Variants in TRPM3 observed in about 807,000 individuals in gnomAD.
The protein encoded by TRPM3 is long transient receptor potential channel 3.
In TRPM3, 77 loss-of-function variants were observed where a neutral mutation model predicts 181.2. The observed-to-expected ratio is 0.42, with a 90% CI of 0.35 to 0.51. TRPM3 has a LOEUF of 0.51. Ranked by LOEUF, TRPM3 falls within the 20% of genes least tolerant of loss-of-function variation. The pLI, the probability that TRPM3 is intolerant of heterozygous loss-of-function variation, is 0.01. For missense variants in TRPM3, 1,759 were observed against 2,196.7 expected, an observed-to-expected ratio of 0.80 and a Z score of 3.98; for synonymous variants, 745 against 796.4, an observed-to-expected ratio of 0.94 and a Z score of 1.09.
At chr9:71,342,469 C>T (rs998307381) in intron 1 of TRPM3, among the ~76,000 whole-genome samples, 5 of 151,190 alleles carry the variant, frequency 3.3e-5, no homozygotes, top group African/African-American at 9.7e-5. Context: ...GAGTATTATA[C>T]AGCTATAAAA....
At chr9:70,563,122 C>T (rs560575181) in intron 22 of TRPM3, among the ~76,000 whole-genome samples, 8 of 152,270 alleles carry the variant, frequency 5.3e-5, no homozygotes, top group Admixed American at 2.6e-4. Context: ...TTTTGGCTTC[C>T]GCCATTACCA....
At chr9:71,386,715 G>T (rs977802352) in intron 1 of TRPM3, among the ~76,000 whole-genome samples, 7 of 152,178 alleles carry the variant, frequency 4.6e-5, no homozygotes, top group African/African-American at 1.7e-4. Context: ...TTATTATATA[G>T]TTGGCCTGTA....
chr9:71,293,883 C>T (rs576926212), intron 1 of TRPM3, among the ~76,000 whole-genome samples: 3 of 151,958 alleles, frequency 2.0e-5, no homozygotes, highest in East Asian at 3.9e-4. Flanking sequence ...CTCATGCATA[C>T]GTAGAGACTC....
In TRPM3 at chr9:70,603,412, C is replaced by G; in HGVS notation, c.2726G>C (p.Arg909Pro). The change falls in exon 20 of 26, where the codon CGC becomes CCC. Residue 909 changes from arginine to proline, a missense_variant. Transcript: ENST00000677713. ...FNYIVLVKME[R>P]WPSTQEWIVI... ...GATCCATTCCTGGGTGGACGGCCAG[C>G]GTTCCATCTTCACTAACACGATATA... 1 of 1,614,100 alleles carries G rather than the reference C, an allele frequency of 6.2e-7. No individual in the cohort carries two copies. Among genetic ancestry groups the G allele is most frequent in the Non-Finnish European group, 8.5e-7 (1 of 1,180,000 alleles).
intron 8 of TRPM3, among the ~76,000 whole-genome samples, chr9:70,688,420 C>A (rs1255507907): frequency 3.3e-5 from 5 of 152,048 alleles, no homozygotes; most frequent in Non-Finnish European, 5.9e-5. Context: ...TACATTGTAC[C>A]CAATATTGTA....
intron 7 of TRPM3, among the ~76,000 whole-genome samples, chr9:70,782,698 C>T (rs533309878): frequency 1.3e-5 from 2 of 151,488 alleles, no homozygotes; most frequent in African/African-American, 4.8e-5. Context: ...TAAAATGGAC[C>T]AATATTTACT....
chr9:71,004,553 A>G (rs929700723), intron 1 of TRPM3, among the ~76,000 whole-genome samples: 3 of 152,254 alleles, frequency 2.0e-5, no homozygotes, highest in Non-Finnish European at 4.4e-5. Flanking sequence ...GCAGGCATCA[A>G]TGTAAAGATG....
At chr9:71,172,285 G>A (rs952600134) in intron 1 of TRPM3, among the ~76,000 whole-genome samples, 2 of 152,140 alleles carry the variant, frequency 1.3e-5, no homozygotes, top group African/African-American at 2.4e-5. Context: ...GGTTGGTTGG[G>A]AGAGGGAAGA....
intron 1 of TRPM3, among the ~76,000 whole-genome samples, chr9:71,424,630 G>GAAACCAGAGTAA: frequency 6.6e-6 from 1 of 151,966 alleles, no homozygotes. Context: ...TTTTATAGAG[G>GAAACCAGAGTAA]ACCTATCTTC....
chr9:70,679,917 G>A (rs1288710087), intron 9 of TRPM3, among the ~76,000 whole-genome samples: 1 of 152,106 alleles, frequency 6.6e-6, no homozygotes, highest in East Asian at 1.9e-4. Flanking sequence ...ATGCTTTGTG[G>A]TTCAGTTCAT....
chr9:71,199,910 G>A (rs1052972602), intron 1 of TRPM3, among the ~76,000 whole-genome samples: 2 of 151,964 alleles, frequency 1.3e-5, no homozygotes, highest in Non-Finnish European at 2.9e-5. Context: ...CTTGCCTTCT[G>A]CTAGCTTTTG....
chr9:71,364,420 G>A (rs752339337), intron 1 of TRPM3, among the ~76,000 whole-genome samples: 1 of 152,204 alleles, frequency 6.6e-6, no homozygotes, highest in Non-Finnish European at 1.5e-5. Context: ...TAATTGGCCA[G>A]AGTAAAATGT....
At chr9:71,044,056 T>C (rs1247598159) in intron 1 of TRPM3, among the ~76,000 whole-genome samples, 1 of 152,178 alleles carries the variant, frequency 6.6e-6, no homozygotes, top group African/African-American at 2.4e-5. Flanking sequence ...TCCCATTTTC[T>C]AGGCTTTTCC....
chr9:71,162,886 T>A (rs990561032), intron 1 of TRPM3, among the ~76,000 whole-genome samples: 5 of 152,190 alleles, frequency 3.3e-5, no homozygotes, highest in Admixed American at 6.5e-5. Context: ...AGAGGAGCAC[T>A]TAGGTTGGGT....
chr9:71,364,331 A>T (rs1471016988), intron 1 of TRPM3, among the ~76,000 whole-genome samples: 1 of 152,254 alleles, frequency 6.6e-6, no homozygotes, highest in East Asian at 1.9e-4. Context: ...TGAACATTCA[A>T]AGATAATATG....
chr9:70,635,060 T>TAAAC lies in TRPM3; in HGVS notation c.1632+150_1632+151insGTTT, dbSNP rs1554793427. The TAAAC allele has an allele frequency of 9.1e-6, 5 of 547,032 alleles. No individual in the cohort carries two copies. In the African/African-American group the frequency reaches 9.7e-5, roughly 11 times the overall value. The allele number at this position is 547,032 out of a possible 1,614,324, so 33.9% of individuals were successfully genotyped here. A position where few individuals can be genotyped will look rare whatever the true frequency, so the allele number is the denominator to read the frequency against. On this transcript the variant is annotated intron_variant, in intron 12 of 25. Coordinates refer to ENST00000677713, the MANE Select transcript of TRPM3 (RefSeq NM_001366145.2). ...AGAAGCATCAGAGTTAAAAGACACA[T>TAAAC]ACACACACACACACACACACACTGT...
intron 9 of TRPM3, among the ~76,000 whole-genome samples, chr9:70,661,390 G>T (rs2061117623): frequency 6.6e-6 from 1 of 152,096 alleles, no homozygotes; most frequent in South Asian, 2.1e-4. Context: ...AGACAAGGAT[G>T]CTGACTTTCA....
intron 1 of TRPM3, among the ~76,000 whole-genome samples, chr9:70,948,253 T>C (rs910392216): frequency 6.6e-6 from 1 of 152,154 alleles, no homozygotes; most frequent in South Asian, 2.1e-4. Context: ...TGAAAGAAGC[T>C]TCTTCCTTAA....
At chr9:71,147,740 C>CTGCTG (rs2075501441) in intron 1 of TRPM3, among the ~76,000 whole-genome samples, 1 of 152,120 alleles carries the variant, frequency 6.6e-6, no homozygotes, top group African/African-American at 2.4e-5. Context: ...GCTGCCAAGC[C>CTGCTG]TGCTGATTCA....
Sources: allele counts gnomAD v4.1 joint callset (sites outside exome capture counted in the v4.1 genomes callset), GRCh38; gene constraint gnomAD v4.1.1; transcripts MANE v1.5; gene names NCBI Gene and HGNC (gene_info 2026-07-23, HGNC 2026-07-21).